UNC5C: variants seen among roughly 807,000 people sequenced by gnomAD.
UNC5C encodes the protein netrin receptor UNC5C.
In UNC5C, 47 loss-of-function variants were observed where a neutral mutation model predicts 99.8. The observed-to-expected ratio is 0.47, with a 90% CI of 0.37 to 0.60. The LOEUF is 0.60. Among genes scored for constraint, UNC5C ranks in the 20% least tolerant of loss-of-function variants. UNC5C has a pLI of 0.00. For missense variants in UNC5C, 1,062 were observed against 1,165.9 expected (o/e 0.91, Z 1.30); for synonymous variants, 487 against 452.2 (o/e 1.08, Z -0.98).
At chr4:95,480,943 T>A (rs1721131033) in intron 1 of UNC5C, among the ~76,000 whole-genome samples, 1 of 151,014 alleles carries the variant, frequency 6.6e-6, no homozygotes, top group Non-Finnish European at 1.5e-5. Context: ...CTTTGAAAAC[T>A]GGCACAAGAC....
At chr4:95,496,282 C>A (rs1388807950) in intron 1 of UNC5C, among the ~76,000 whole-genome samples, 1 of 151,704 alleles carries the variant, frequency 6.6e-6, no homozygotes, top group Non-Finnish European at 1.5e-5. Context: ...TGTCTAATAA[C>A]TTTTTTCTTT....
Position 95,419,963 on chromosome 4 carries a change from AAT to A in UNC5C, c.125-84334_125-84333del, listed in dbSNP as rs371063579. ...TTTACAATGGCTTTTTATGTTTAAA[AAT>A]ATCTTATAACACAATACTTCCACAA... On this transcript the variant is annotated intron_variant, in intron 1 of 15. Coordinates refer to ENST00000453304, the MANE Select transcript of UNC5C (RefSeq NM_003728.4). Among the ~76,000 whole-genome samples, 30 of 152,304 alleles carry A rather than the reference AAT, an allele frequency of 2.0e-4. No individual in the cohort carries two copies. In the South Asian group the frequency reaches 4.8e-3, roughly 24 times the overall value.
chr4:95,222,378 C>A (rs188768089), intron 7 of UNC5C: 1 of 619,618 alleles, frequency 1.6e-6, no homozygotes. Flanking sequence ...AACCTGTGGT[C>A]TTTTAAAATT....
At chr4:95,347,084 A>G (rs1202030465) in intron 1 of UNC5C, among the ~76,000 whole-genome samples, 2 of 152,116 alleles carry the variant, frequency 1.3e-5, no homozygotes, top group Non-Finnish European at 2.9e-5. Context: ...ATACAGGGTC[A>G]ACATACAAAA....
chr4:95,448,337 G>A (rs1022992797), intron 1 of UNC5C, among the ~76,000 whole-genome samples: 1 of 151,644 alleles, frequency 6.6e-6, no homozygotes, highest in African/African-American at 2.4e-5. Flanking sequence ...TGCAACATTT[G>A]AAAAGCGAAA....
intron 1 of UNC5C, among the ~76,000 whole-genome samples, chr4:95,480,105 T>C (rs1287506081): frequency 6.6e-6 from 1 of 151,548 alleles, no homozygotes; most frequent in Non-Finnish European, 1.5e-5. Context: ...GTCTTCAACT[T>C]GCTTACTGGA....
intron 4 of UNC5C, among the ~76,000 whole-genome samples, chr4:95,265,872 C>T (rs1289776730): frequency 1.3e-5 from 2 of 152,044 alleles, no homozygotes; most frequent in East Asian, 3.9e-4. Flanking sequence ...TGCATCCCTC[C>T]TGGGGTTGTA....
intron 1 of UNC5C, among the ~76,000 whole-genome samples, chr4:95,359,727 T>C (rs1247004057): frequency 6.6e-6 from 1 of 152,108 alleles, no homozygotes; most frequent in Non-Finnish European, 1.5e-5. Context: ...CTGACTGCTG[T>C]AAACATGACA....
chr4:95,398,231 T>C (rs1411939682), intron 1 of UNC5C, among the ~76,000 whole-genome samples: 4 of 152,090 alleles, frequency 2.6e-5, no homozygotes, highest in African/African-American at 9.7e-5. Context: ...CAAACTATTA[T>C]ATCTTCCCAG....
intron 12 of UNC5C, among the ~76,000 whole-genome samples, chr4:95,191,406 G>T (rs1183879919): frequency 6.6e-6 from 1 of 152,108 alleles, no homozygotes; most frequent in East Asian, 1.9e-4. Flanking sequence ...CCAGGGTCCA[G>T]GCTGAAGCTG....
At chr4:95,514,134 C>A (rs1465320912) in intron 1 of UNC5C, among the ~76,000 whole-genome samples, 1 of 152,104 alleles carries the variant, frequency 6.6e-6, no homozygotes, top group Non-Finnish European at 1.5e-5. Context: ...TCGTCTCATT[C>A]CACAGAACAT....
At chr4:95,271,716 C>A (rs1740674271) in intron 4 of UNC5C, among the ~76,000 whole-genome samples, 1 of 152,222 alleles carries the variant, frequency 6.6e-6, no homozygotes, top group African/African-American at 2.4e-5. Flanking sequence ...AATCTATTTT[C>A]CATGCAGCAA....
Position 95,182,988 on chromosome 4 carries a change from C to A in UNC5C, c.2360G>T (p.Ser787Ile). Residue 787 changes from serine (S) to isoleucine (I), a missense_variant, in exon 14 of 16, where the codon AGC (serine) becomes ATC (isoleucine). Around this residue, in one of 3 missense-constraint regions of UNC5C, gnomAD observed 810 missense variants for 854.5 expected, o/e 0.95. Coordinates refer to ENST00000453304, the MANE Select transcript of UNC5C (RefSeq NM_003728.4). ...LHCTFTLERF[S>I]LNTVELVCKL... ...GCAAACCAGCTCCACTGTGTTCAGG[C>A]TAAATCTTTCCAGAGTGAAGGTGCA... 6.2e-7 allele frequency: 1 copy of A among 1,613,686 alleles called. No individual in the cohort carries two copies. The highest frequency in any genetic ancestry group is 8.5e-7 in the Non-Finnish European group (1 of 1,179,686).
At position 95,211,991 on chromosome 4, in the gene UNC5C, A is replaced by G. The variant is rs74591076; in HGVS notation, c.1733+4133T>C. Among the ~76,000 whole-genome samples the G allele has an allele frequency of 2.1e-3, 326 of 152,306 alleles. 6 individuals carry two copies. In the East Asian group the frequency reaches 0.057, roughly 26 times the overall value. ...CTCATGAATGAGAAAGGACTCTACT[A>G]AAAGGAGAAAGATCACTGTGTTTCC... On this transcript the variant is annotated intron_variant, in intron 10 of 15. Coordinates refer to ENST00000453304, the MANE Select transcript of UNC5C (RefSeq NM_003728.4).
intron 1 of UNC5C, among the ~76,000 whole-genome samples, chr4:95,380,594 T>C (rs548733732): frequency 6.6e-6 from 1 of 152,110 alleles, no homozygotes; most frequent in East Asian, 1.9e-4. Flanking sequence ...ATTTTTAACA[T>C]AACTTCTTAA....
chr4:95,203,197 G>A lies in UNC5C; in HGVS notation c.1903-233C>T, dbSNP rs543237459. Among the ~76,000 whole-genome samples the A allele has an allele frequency of 3.3e-5, 5 of 152,208 alleles. No homozygotes were observed. The South Asian group carries it at 1.0e-3, about 32-fold the overall frequency. ...CAGTTTGCATTTTTTGATCTTCTAA[G>A]AATCTACATTTTCCCTAAAAATCTG... On this transcript the variant is annotated intron_variant, in intron 11 of 15. Coordinates refer to ENST00000453304, the MANE Select transcript of UNC5C (RefSeq NM_003728.4).
chr4:95,433,746 C>T (rs1746697290), intron 1 of UNC5C, among the ~76,000 whole-genome samples: 1 of 152,044 alleles, frequency 6.6e-6, no homozygotes, highest in Non-Finnish European at 1.5e-5. Flanking sequence ...TGAGTTTTGA[C>T]AAATGCATCC....
chr4:95,194,098 G>A (rs1021008105), intron 12 of UNC5C, among the ~76,000 whole-genome samples: 1 of 151,784 alleles, frequency 6.6e-6, no homozygotes, highest in Non-Finnish European at 1.5e-5. Context: ...CGGATGCTTG[G>A]TCTGAGCTGC....
intron 2 of UNC5C, among the ~76,000 whole-genome samples, chr4:95,325,456 A>G (rs1266262870): frequency 6.6e-6 from 1 of 152,156 alleles, no homozygotes; most frequent in Non-Finnish European, 1.5e-5. Flanking sequence ...ATAAATTGGC[A>G]AGACTTGATG....
Sources: allele counts gnomAD v4.1 joint callset (sites outside exome capture counted in the v4.1 genomes callset), GRCh38; gene constraint gnomAD v4.1.1; regional missense constraint gnomAD v4.1.1; transcripts MANE v1.5; gene names NCBI Gene and HGNC (gene_info 2026-07-23, HGNC 2026-07-21).